MYO18A: variants seen among roughly 807,000 people sequenced by gnomAD.
MYO18A encodes myosin XVIIIA, also known as unconventional myosin-XVIIIa.
A neutral mutation model predicts 235.8 loss-of-function variants in MYO18A; 78 were observed. The observed-to-expected ratio is 0.33, with a 90% confidence interval of 0.28 to 0.40. The LOEUF is 0.40. MYO18A is among the 10% of genes least tolerant of loss of function. The pLI is 1.00. For synonymous variants in MYO18A, 977 were observed against 1,077.8 expected (o/e 0.91, Z 1.83); for missense variants, 2,215 against 2,699.3 (o/e 0.82, Z 3.98).
chr17:29,124,460 T>A lies in MYO18A; in HGVS notation c.1000-2207A>T, dbSNP rs143715328. 2.6e-5 allele frequency among the ~76,000 whole-genome samples: 4 copies of A among 152,328 alleles called. No individual in the cohort carries two copies. In the East Asian group the frequency reaches 7.7e-4, roughly 29 times the overall value. Reference sequence around the variant, plus strand: ...GCTCCCCAGGGGCCTGACACAGAGCTGCACCATCTCAAGCTCCCGGCACTA... The same window carrying A: ...GCTCCCCAGGGGCCTGACACAGAGCAGCACCATCTCAAGCTCCCGGCACTA... On this transcript the variant is annotated intron_variant, in intron 2 of 41. Transcript: ENST00000527372.
Position 29,074,921 on chromosome 17 carries a change from G to A in MYO18A, c.6021-7C>T. On this transcript the variant is annotated splice_polypyrimidine_tract_variant and splice_region_variant and intron_variant, in intron 41 of 41. Transcript: ENST00000527372. The surrounding 1 kb of genome is among the most constrained non-coding windows in gnomAD (Gnocchi z 4.4). ...CTTCCAGTAGCTGGTGGGGCTGCAG[G>A]GACCGAGGAATAAGGTTAGGGACAA... 1 of 1,613,854 alleles carries A rather than the reference G, an allele frequency of 6.2e-7. No individual in the cohort carries two copies. The highest frequency in any genetic ancestry group is 1.6e-4 in the Middle Eastern group (1 of 6,062).
At chr17:29,095,504 C>T (rs2066499121) in intron 28 of MYO18A, among the ~76,000 whole-genome samples, 1 of 152,232 alleles carries the variant, frequency 6.6e-6, no homozygotes, top group African/African-American at 2.4e-5. Context: ...CTTGCCCCTG[C>T]CTCTGGGCAC....
chr17:29,090,533 T>C lies in MYO18A; in HGVS notation c.5387A>G (p.Lys1796Arg), dbSNP rs2066372568. ...CCTGAGGGAGCCCCTGGTCCTCACC[T>C]TCTCCTGCAGCTCCTGCTTCTCTTT... ...ANKEKQELQE[K>R]LQALQSQVEF... is the part of the protein sequence containing the mutation. The change falls in exon 36 of 42, where the codon AAG (lysine) becomes AGG (arginine). Residue 1796 changes from lysine to arginine, a missense_variant and splice_region_variant. Transcript: ENST00000527372. The C allele has an allele frequency of 1.3e-6, 2 of 1,587,386 alleles. No homozygotes were observed. Among genetic ancestry groups the C allele is most frequent in the African/African-American group, 2.7e-5 (2 of 74,444 alleles).
At position 29,117,955 on chromosome 17, in the gene MYO18A, G is replaced by C; in HGVS notation, c.2038+90C>G. ...GGGTTGTCTCAGAACGGCTAAGTCT[G>C]TGCTGGGCAAGAATAAACTGGGAGT... On this transcript the variant is annotated intron_variant, in intron 10 of 41. Transcript: ENST00000527372. This position sits in a 1 kb window ranked among gnomAD's most constrained non-coding sequence, Gnocchi z 4.6. 1 of 1,443,058 alleles carries C rather than the reference G, an allele frequency of 6.9e-7. No individual in the cohort carries two copies. 89.4% of individuals were successfully genotyped at this position (1,443,058 alleles called of 1,614,324 possible).
chr17:29,143,039 C>T (rs1362131821), intron 2 of MYO18A, among the ~76,000 whole-genome samples: 57 of 152,274 alleles, frequency 3.7e-4, no homozygotes, highest in Non-Finnish European at 7.4e-5. Context: ...AACTCCTGAC[C>T]GCAAGTGATC....
Position 29,090,912 on chromosome 17 carries a change from C to T in MYO18A, c.5202G>A (p.Leu1734=), listed in dbSNP as rs2066382435. ...CATTCTTCTCACGCTGAAGGCGGCTCAGCTGCTCCTCCAGCTGGAGAGAGG... is the reference window on the plus strand; with the variant it reads ...CATTCTTCTCACGCTGAAGGCGGCTTAGCTGCTCCTCCAGCTGGAGAGAGG... ...AKAKTALEEQ[L]SRLQREKNEI... Residue 1734 remains leucine, a synonymous_variant, in exon 35 of 42, where the codon CTG becomes CTA. Transcript: ENST00000527372. The T allele has an allele frequency of 1.2e-6, 2 of 1,613,928 alleles. No individual in the cohort carries two copies. The highest frequency in any genetic ancestry group is 1.1e-5 in the South Asian group (1 of 91,080).
At chr17:29,179,375 C>G (rs961610572) in intron 1 of MYO18A, among the ~76,000 whole-genome samples, 6 of 152,086 alleles carry the variant, frequency 3.9e-5, no homozygotes, top group East Asian at 1.9e-4. Context: ...AAACAAAGCC[C>G]CAATGCCTGG....
rs760085280 is a variant in MYO18A, at chr17:29,096,795, C to T, written c.4351G>A (p.Val1451Ile). 6.2e-7 allele frequency: 1 copy of T among 1,606,380 alleles called. No homozygotes were observed. The highest frequency in any genetic ancestry group is 1.1e-5 in the South Asian group (1 of 89,150). ...DTKLHLEGQQ[V>I]RNHELEKKQR... ...TTCTTCTCCAGTTCGTGGTTGCGGA[C>T]CTGCTGGCCCTCCAGGTGCAGCTTG... Residue 1451 changes from valine (V) to isoleucine (I), a missense_variant, in exon 28 of 42, where the codon GTC becomes ATC. Coordinates refer to ENST00000527372, the MANE Select transcript of MYO18A (RefSeq NM_078471.4).
chr17:29,102,829 C>T (rs1368200231), intron 21 of MYO18A, among the ~76,000 whole-genome samples: 3 of 152,242 alleles, frequency 2.0e-5, no homozygotes, highest in East Asian at 1.9e-4. Context: ...CCACCGCACA[C>T]GCCCCACGGG....
chr17:29,104,944 G>A (rs539257711), intron 20 of MYO18A, among the ~76,000 whole-genome samples: 38 of 152,040 alleles, frequency 2.5e-4, no homozygotes, highest in Non-Finnish European at 5.1e-4. Flanking sequence ...ACTTTGGGAG[G>A]CTGAGGTGGG....
chr17:29,136,250 A>AAAAAAAAAAATATATAT (rs1483354837), intron 2 of MYO18A, among the ~76,000 whole-genome samples: 1 of 82,472 alleles, frequency 1.2e-5, no homozygotes, highest in African/African-American at 4.6e-5. Flanking sequence ...AAAAAAAAAA[A>AAAAAAAAAAATATATAT]ATATATATAT....
Position 29,110,422 on chromosome 17 carries a change from C to A in MYO18A, c.3087+14G>T. 1 of 1,567,232 alleles carries A rather than the reference C, an allele frequency of 6.4e-7. No homozygotes were observed. Among genetic ancestry groups the A allele is most frequent in the Non-Finnish European group, 8.7e-7 (1 of 1,155,498 alleles). ...GTCCCCAGGCCTGCCTGCTGGGACC[C>A]GGCTGGCACTCACCACCTGTAGCTT... On this transcript the variant is annotated intron_variant, in intron 18 of 41. Coordinates refer to ENST00000527372, the MANE Select transcript of MYO18A (RefSeq NM_078471.4).
In MYO18A at chr17:29,125,937, C is replaced by CGG. The variant is rs1567615081; in HGVS notation, c.1000-3686_1000-3685dup. On this transcript the variant is annotated intron_variant, in intron 2 of 41. Transcript: ENST00000527372. The surrounding 1 kb of genome is among the most constrained non-coding windows in gnomAD (Gnocchi z 5.1). ...TCCAGCCGCTGGTGGGCCTCTTCCACGGGGGTCAGCTGGACCTTGGCAGCT... is the reference window on the plus strand; with the variant it reads ...TCCAGCCGCTGGTGGGCCTCTTCCACGGGGGGGTCAGCTGGACCTTGGCAGCT... 1.0e-6 allele frequency: 1 copy of CGG among 985,752 alleles called. No individual in the cohort carries two copies. The highest frequency in any genetic ancestry group is 4.7e-5 in the South Asian group (1 of 21,292). The allele number at this position is 985,752 out of a possible 1,614,324, so 61.1% of individuals were successfully genotyped here. A position where few individuals can be genotyped will look rare whatever the true frequency, so the allele number is the denominator to read the frequency against.
chr17:29,109,563 G>A lies in MYO18A; in HGVS notation c.3331+295C>T, dbSNP rs539043072. ...GCTGAACTGTCCAAACTAGGGACGT[G>A]GGAAGAAAGGGAGCTGTGGACAAAT... On this transcript the variant is annotated intron_variant, in intron 19 of 41. Transcript: ENST00000527372. The surrounding 1 kb of genome is among the most constrained non-coding windows in gnomAD (Gnocchi z 4.1). Among the ~76,000 whole-genome samples the A allele has an allele frequency of 2.6e-5, 4 of 152,332 alleles. No individual in the cohort carries two copies. The South Asian group carries it at 8.3e-4, about 32-fold the overall frequency.
At chr17:29,085,748 C>T in intron 39 of MYO18A, 100 bp from the exon 40 acceptor site, 3 of 1,215,744 alleles carry the variant, frequency 2.5e-6, no homozygotes, top group Non-Finnish European at 2.4e-6. Flanking sequence ...CCTCTCTTCC[C>T]TCAGCAAGAG....
In MYO18A at chr17:29,099,091, G is replaced by A. The variant is rs1247620536; in HGVS notation, c.3637-122C>T. 1.3e-5 allele frequency: 16 copies of A among 1,237,804 alleles called. 1 individual carries two copies. The East Asian group carries it at 1.6e-4, about 13-fold the overall frequency. 76.7% of individuals were successfully genotyped at this position (1,237,804 alleles called of 1,614,324 possible). A position where few individuals can be genotyped will look rare whatever the true frequency, so the allele number is the denominator to read the frequency against. ...GCTGCTCCTCTGGCCCCCTGACCCC[G>A]AGTCAGATACTTCTCATGCTCCCCC... On this transcript the variant is annotated intron_variant, in intron 22 of 41. Transcript: ENST00000527372.
chr17:29,172,977 A>C (rs1235626417), intron 1 of MYO18A, among the ~76,000 whole-genome samples: 1 of 152,242 alleles, frequency 6.6e-6, no homozygotes, highest in African/African-American at 2.4e-5. Context: ...GCAGTTTAGT[A>C]AAAACTATCA....
chr17:29,136,287 A>G (rs960188222), intron 2 of MYO18A, among the ~76,000 whole-genome samples: 1 of 147,726 alleles, frequency 6.8e-6, no homozygotes, highest in African/African-American at 2.5e-5. Context: ...AATGTATCCC[A>G]TAAGTACATA....
chr17:29,108,735 G>A (rs923090202), intron 19 of MYO18A, among the ~76,000 whole-genome samples: 4 of 152,200 alleles, frequency 2.6e-5, no homozygotes, highest in African/African-American at 9.7e-5. Context: ...GCTATTGATT[G>A]TATCTGAATT....
Sources: allele counts gnomAD v4.1 joint callset (sites outside exome capture counted in the v4.1 genomes callset), GRCh38; gene constraint gnomAD v4.1.1; non-coding constraint Gnocchi (gnomAD v3.1); transcripts MANE v1.5; gene names NCBI Gene and HGNC (gene_info 2026-07-23, HGNC 2026-07-21).